The following DPP3 variants were observed in gnomAD, a reference collection of about 807,000 sequenced individuals.
DPP3 encodes DPP III.
DPP3 carries 64 observed loss-of-function variants against 89.8 expected under a neutral mutation model. That is an observed-to-expected ratio of 0.71 (90% CI 0.58 to 0.88). DPP3 has a LOEUF of 0.88. Among genes scored for constraint, DPP3 ranks in the 40% least tolerant of loss-of-function variants. The pLI, the probability that DPP3 is intolerant of heterozygous loss-of-function variation, is 0.00. For synonymous variants in DPP3, 377 were observed against 404.3 expected (o/e 0.93, Z 0.81); for missense variants, 835 against 972.5 (o/e 0.86, Z 1.88).
intron 16 of DPP3, among the ~76,000 whole-genome samples, chr11:66,498,439 GGC>G (rs1259470234): frequency 6.6e-6 from 1 of 152,136 alleles, no homozygotes; most frequent in Non-Finnish European, 1.5e-5. Context: ...ATGTTGGCCA[GGC>G]TTGTCTCGAA....
chr11:66,496,286 C>CA (rs1364556990), intron 15 of DPP3, among the ~76,000 whole-genome samples: 1 of 152,208 alleles, frequency 6.6e-6, no homozygotes, highest in Admixed American at 6.5e-5. Context: ...CTCGCTCTGT[C>CA]ACCAGGCTGG....
rs200469305 is a variant in DPP3 at position 66,509,208 on chromosome 11, G to A, written c.2171G>A (p.Arg724Gln). 4.3e-6 allele frequency: 7 copies of A among 1,613,770 alleles called. No homozygotes were observed. Among genetic ancestry groups the A allele is most frequent in the Middle Eastern group, 1.7e-4 (1 of 6,058 alleles). ...ILTQLATADA[R>Q]FWKGPSEAPS... ...ACACAGCTGGCCACAGCCGATGCCC[G>A]ATTCTGGAAGGGCCCCAGTGAGGCC... Residue 724 changes from arginine (R) to glutamine (Q), a missense_variant, in exon 18 of 18, where the codon CGA (arginine) becomes CAA (glutamine). Arg to Gln is a conservative substitution (Grantham distance 43). Transcript: ENST00000531863.
chr11:66,483,037 T>A (rs1287172007), intron 2 of DPP3: 2 of 153,092 alleles, frequency 1.3e-5, no homozygotes, highest in Non-Finnish European at 2.9e-5. Flanking sequence ...TTTTTTATTT[T>A]TTTTTTGTGA....
intron 2 of DPP3, among the ~76,000 whole-genome samples, chr11:66,484,059 C>T (rs1394326976): frequency 6.6e-6 from 1 of 151,880 alleles, no homozygotes; most frequent in Non-Finnish European, 1.5e-5. Flanking sequence ...CTCACTGCAA[C>T]CTCCAACTCC....
At position 66,493,117 on chromosome 11, in the gene DPP3, G is replaced by A. The variant is rs749835375; in HGVS notation, c.1234G>A (p.Val412Met). 6.2e-7 allele frequency: 1 copy of A among 1,614,172 alleles called. No homozygotes were observed. The highest frequency in any genetic ancestry group is 2.2e-5 in the East Asian group (1 of 44,884). The change falls in exon 11 of 18, where the codon GTG becomes ATG. Residue 412 changes from valine (V) to methionine (M), a missense_variant. Physicochemically the swap from Val to Met is conservative, Grantham distance 21. Transcript: ENST00000531863. ...CTTTAAGAACGTGTCGCTGGGGAAT[G>A]TGCTGGCTGTGGCCTACGCCACGCA... ...EGFKNVSLGN[V>M]LAVAYATQRE...
chr11:66,491,843 C>G, intron 9 of DPP3, 87 bp downstream of exon 9: 2 of 1,428,376 alleles, frequency 1.4e-6, no homozygotes, highest in South Asian at 1.2e-5. Context: ...GTTCTCCCCA[C>G]CCCCGCTCAG....
intron 9 of DPP3, chr11:66,492,512 G>A: frequency 1.8e-6 from 1 of 559,616 alleles, no homozygotes; most frequent in South Asian, 3.0e-5. Context: ...GGGGCCTGAG[G>A]GAGAGACGGG....
Position 66,495,478 on chromosome 11 carries a change from G to A in DPP3, c.1566G>A (p.Pro522=), listed in dbSNP as rs747589791. The A allele has an allele frequency of 8.1e-6, 13 of 1,611,074 alleles. No homozygotes were observed. The highest frequency in any genetic ancestry group is 1.7e-4 in the Middle Eastern group (1 of 5,956). The change falls in exon 14 of 18, where the codon CCG becomes CCA. Residue 522 remains proline, a synonymous_variant. Transcript: ENST00000531863. ...TGGGTCTCTACCTCTGTCTCCACCCGCAAGTGCTGGAGTAAGAGCAGCAGG... is the reference window on the plus strand; with the variant it reads ...TGGGTCTCTACCTCTGTCTCCACCCACAAGTGCTGGAGTAAGAGCAGCAGG... ...ESVGLYLCLH[P]QVLEIFGFEG... is the part of the protein sequence containing the mutation.
At chr11:66,493,463 C>T in intron 11 of DPP3, 78 bp from the exon 12 acceptor site, 2 of 1,469,988 alleles carry the variant, frequency 1.4e-6, no homozygotes, top group Middle Eastern at 2.3e-4. Flanking sequence ...GGGTCCATGG[C>T]CCAGGGGAGG....
chr11:66,494,672 T>G (rs1193962573), intron 12 of DPP3, among the ~76,000 whole-genome samples: 1 of 152,210 alleles, frequency 6.6e-6, no homozygotes, highest in East Asian at 1.9e-4. Flanking sequence ...AGTGTGGGGC[T>G]CTTAGGCTCT....
intron 4 of DPP3, among the ~76,000 whole-genome samples, 185 bp downstream of exon 4, chr11:66,486,862 T>C (rs956478084): frequency 3.9e-5 from 6 of 152,164 alleles, no homozygotes; most frequent in African/African-American, 1.4e-4. Context: ...TTGGGTCGAA[T>C]GCTTTCTGAA....
intron 4 of DPP3, 41 bp downstream of exon 4, chr11:66,486,718 G>T: frequency 6.9e-7 from 1 of 1,453,228 alleles, no homozygotes; most frequent in Non-Finnish European, 9.1e-7. Flanking sequence ...GGAGTGGAGG[G>T]AATCCTTCAA....
chr11:66,486,082 T>C (rs955109296), intron 3 of DPP3, among the ~76,000 whole-genome samples: 2 of 152,062 alleles, frequency 1.3e-5, no homozygotes, highest in Non-Finnish European at 2.9e-5. Context: ...GTACCACAGA[T>C]GCCTGTCACC....
intron 6 of DPP3, among the ~76,000 whole-genome samples, chr11:66,488,810 C>A (rs920368302): frequency 6.6e-6 from 1 of 152,184 alleles, no homozygotes; most frequent in Non-Finnish European, 1.5e-5. Flanking sequence ...GTGCTCTGGC[C>A]ATGCTCAACA....
At chr11:66,503,757 C>T (rs1421761053) in intron 16 of DPP3, among the ~76,000 whole-genome samples, 1 of 152,002 alleles carries the variant, frequency 6.6e-6, no homozygotes, top group Non-Finnish European at 1.5e-5. Flanking sequence ...CGTGGTGGCA[C>T]GCACCTGTAG....
At chr11:66,482,502 G>A (rs755872748) in intron 2 of DPP3, 32 bp downstream of exon 2, 3 of 1,589,006 alleles carry the variant, frequency 1.9e-6, no homozygotes, top group Non-Finnish European at 2.6e-6. Context: ...CACATTACCT[G>A]AGTGGCTTCT....
At chr11:66,484,252 C>T (rs560140718) in intron 2 of DPP3, among the ~76,000 whole-genome samples, 1 of 152,174 alleles carries the variant, frequency 6.6e-6, no homozygotes, top group African/African-American at 2.4e-5. Flanking sequence ...CTTGGGATTA[C>T]AGGTGTGAGC....
intron 2 of DPP3, 144 bp from the exon 3 acceptor site, chr11:66,485,029 G>A: frequency 1.3e-6 from 1 of 741,048 alleles, no homozygotes; most frequent in Non-Finnish European, 2.3e-6. Context: ...CCAGACTGGG[G>A]CTTCCCAGGA....
chr11:66,492,629 T>C, intron 9 of DPP3, 87 bp from the exon 10 acceptor site: 1 of 1,447,952 alleles, frequency 6.9e-7, no homozygotes, highest in Non-Finnish European at 9.3e-7. Context: ...ACAGTAGGCA[T>C]TCAGTACATG....
Sources: gnomAD v4.1 joint callset for allele counts (sites outside exome capture counted in the v4.1 genomes callset) on GRCh38, gnomAD v4.1.1 for gene constraint, MANE v1.5 for transcripts, NCBI Gene and HGNC (gene_info 2026-07-23, HGNC 2026-07-21) for gene names.